The following NRXN1 variants were observed in gnomAD, a reference collection of about 807,000 sequenced individuals.
NRXN1 encodes neurexin 1, also known as neurexin-1.
In NRXN1, 39 loss-of-function variants were observed where a neutral mutation model predicts 150.9. The observed-to-expected ratio is 0.26, with a 90% CI of 0.20 to 0.34. The LOEUF is 0.34. Ranked by LOEUF, NRXN1 falls within the 10% of genes least tolerant of loss-of-function variation. The probability of loss-of-function intolerance (pLI) is 1.00; values close to 1 mark genes in which losing one functional copy is unlikely to be tolerated. For missense variants in NRXN1, 1,815 were observed against 1,949.9 expected (o/e 0.93, Z 1.30); for synonymous variants, 924 against 757.0 (o/e 1.22, Z -3.62).
At chr2:50,102,442 T>C (rs1156853067) in intron 18 of NRXN1, among the ~76,000 whole-genome samples, 2 of 152,052 alleles carry the variant, frequency 1.3e-5, no homozygotes, top group Non-Finnish European at 2.9e-5. Context: ...CACATGAAGT[T>C]CAGTATTCAC....
intron 17 of NRXN1, among the ~76,000 whole-genome samples, chr2:50,376,769 A>G (rs1466704284): frequency 6.6e-6 from 1 of 152,118 alleles, no homozygotes; most frequent in Non-Finnish European, 1.5e-5. Flanking sequence ...GCTAGGATAA[A>G]GAATCACAGA....
chr2:50,022,671 T>A (rs1687744269), intron 21 of NRXN1: 1 of 152,214 alleles, frequency 6.6e-6, no homozygotes, highest in African/African-American at 2.4e-5. Flanking sequence ...GATTTATTTC[T>A]TCATACTTTG....
At chr2:50,707,304 C>A (rs1249619281) in intron 5 of NRXN1, among the ~76,000 whole-genome samples, 1 of 152,062 alleles carries the variant, frequency 6.6e-6, no homozygotes, top group Non-Finnish European at 1.5e-5. Context: ...CCAGTTAGCC[C>A]CTCGCACATT....
chr2:50,334,501 C>T (rs2077056975), intron 17 of NRXN1, among the ~76,000 whole-genome samples: 1 of 152,080 alleles, frequency 6.6e-6, no homozygotes. Flanking sequence ...TACTGATTCC[C>T]TTGCTGGAAA....
At chr2:50,608,187 T>C (rs1677446485) in intron 8 of NRXN1, among the ~76,000 whole-genome samples, 1 of 152,168 alleles carries the variant, frequency 6.6e-6, no homozygotes, top group South Asian at 2.1e-4. Flanking sequence ...GCAATCAAGG[T>C]ATATCCTGAT....
At chr2:50,662,199 G>T (rs1235315409) in intron 5 of NRXN1, among the ~76,000 whole-genome samples, 2 of 151,966 alleles carry the variant, frequency 1.3e-5, no homozygotes, top group Non-Finnish European at 2.9e-5. Flanking sequence ...ATTCTATTTT[G>T]CTTTCAGTAT....
chr2:50,962,614 G>T (rs1693390317), intron 2 of NRXN1, among the ~76,000 whole-genome samples: 1 of 151,486 alleles, frequency 6.6e-6, no homozygotes, highest in South Asian at 2.1e-4. Context: ...GGATCTCATT[G>T]TCTTATGTCA....
At position 51,027,493 on chromosome 2, in the gene NRXN1, G is replaced by T. The variant is rs1297063034; in HGVS notation, c.772+9C>A. 2 of 1,506,538 alleles carry T rather than the reference G, an allele frequency of 1.3e-6. No homozygotes were observed. Among genetic ancestry groups the T allele is most frequent in the Admixed American group, 2.2e-5 (1 of 46,144 alleles). 93.3% of individuals were successfully genotyped at this position (1,506,538 alleles called of 1,614,324 possible). On this transcript the variant is annotated intron_variant, in intron 2 of 22. Transcript: ENST00000401669. ...CCCCGGCCCCCGTGGGTCGGGCGTCGGGCCTTACCTTGGCTGCAGTCCTTG... is the reference window on the plus strand; with the variant it reads ...CCCCGGCCCCCGTGGGTCGGGCGTCTGGCCTTACCTTGGCTGCAGTCCTTG...
intron 17 of NRXN1, among the ~76,000 whole-genome samples, chr2:50,460,594 G>A (rs2088079228): frequency 6.6e-6 from 1 of 151,992 alleles, no homozygotes; most frequent in African/African-American, 2.4e-5. Flanking sequence ...ATTCTAAAAA[G>A]AAGAACAAAG....
chr2:50,220,007 A>ATTAT (rs1378205239), intron 18 of NRXN1, among the ~76,000 whole-genome samples: 3 of 37,052 alleles, frequency 8.1e-5, no homozygotes, highest in African/African-American at 4.2e-4. Flanking sequence ...TATATTATAT[A>ATTAT]ATATATTATA....
intron 5 of NRXN1, among the ~76,000 whole-genome samples, chr2:50,648,097 T>C (rs780923355): frequency 7.2e-5 from 11 of 152,030 alleles, no homozygotes; most frequent in African/African-American, 2.4e-4. Context: ...CATTTCATTA[T>C]ATGCATGAAT....
chr2:50,818,501 T>G (rs1428836163), intron 5 of NRXN1, among the ~76,000 whole-genome samples: 3 of 151,960 alleles, frequency 2.0e-5, no homozygotes, highest in Non-Finnish European at 4.4e-5. Flanking sequence ...TGAAACTGGA[T>G]CCTTATCTTA....
intron 8 of NRXN1, among the ~76,000 whole-genome samples, chr2:50,594,187 G>T (rs1267118010): frequency 6.6e-6 from 1 of 152,146 alleles, no homozygotes; most frequent in Admixed American, 6.6e-5. Flanking sequence ...TTAGAGCAGT[G>T]TAAGAACAGA....
chr2:50,542,631 T>A (rs2105287452), intron 9 of NRXN1, among the ~76,000 whole-genome samples: 1 of 152,302 alleles, frequency 6.6e-6, no homozygotes, highest in East Asian at 1.9e-4. Flanking sequence ...TCAAGTGGGA[T>A]GGAAACAATT....
chr2:50,908,585 G>A (rs559593289), intron 5 of NRXN1, among the ~76,000 whole-genome samples: 2 of 151,998 alleles, frequency 1.3e-5, no homozygotes, highest in Non-Finnish European at 2.9e-5. Flanking sequence ...AGATGGTAAG[G>A]TCTTCAGCAC....
chr2:50,979,276 C>T (rs768391324), intron 2 of NRXN1: 4 of 518,192 alleles, frequency 7.7e-6, no homozygotes, highest in Non-Finnish European at 1.5e-5. Flanking sequence ...TTTACATCAG[C>T]TGGAAGGAAG....
intron 8 of NRXN1, among the ~76,000 whole-genome samples, chr2:50,590,049 A>G (rs1372690044): frequency 6.6e-6 from 1 of 152,246 alleles, no homozygotes; most frequent in Non-Finnish European, 1.5e-5. Context: ...ATGTGACAAT[A>G]ACTGTGTAAG....
At chr2:50,571,591 A>T (rs930958884) in intron 8 of NRXN1, among the ~76,000 whole-genome samples, 5 of 152,144 alleles carry the variant, frequency 3.3e-5, no homozygotes, top group Non-Finnish European at 7.3e-5. Flanking sequence ...AGATATTTTT[A>T]AAGTACATAG....
intron 17 of NRXN1, among the ~76,000 whole-genome samples, chr2:50,343,738 G>A (rs1229082964): frequency 6.6e-6 from 1 of 152,086 alleles, no homozygotes; most frequent in South Asian, 2.1e-4. Flanking sequence ...GAATGAACCT[G>A]GATAGTCAGC....
Sources: gnomAD v4.1 joint callset for allele counts (sites outside exome capture counted in the v4.1 genomes callset) on GRCh38, gnomAD v4.1.1 for gene constraint, MANE v1.5 for transcripts, NCBI Gene and HGNC (gene_info 2026-07-23, HGNC 2026-07-21) for gene names.